ZC3HAV1: variants seen among roughly 807,000 people sequenced by gnomAD.
The protein encoded by ZC3HAV1 is zinc finger CCCH-type containing, antiviral 1.
ZC3HAV1 carries 41 observed loss-of-function variants against 86.6 expected under a neutral mutation model. The observed-to-expected ratio is 0.47, with a 90% CI of 0.37 to 0.61. The LOEUF is 0.61. Among genes scored for constraint, ZC3HAV1 ranks in the 20% least tolerant of loss-of-function variants. The pLI is 0.00. For missense variants in ZC3HAV1, 964 were observed against 1,141.1 expected (o/e 0.84, Z 2.24); for synonymous variants, 421 against 432.1 (o/e 0.97, Z 0.32).
chr7:139,085,783 C>T (rs867428972), intron 2 of ZC3HAV1, among the ~76,000 whole-genome samples: 3 of 152,024 alleles, frequency 2.0e-5, no homozygotes, highest in East Asian at 1.9e-4. Context: ...GAGGCTGAGG[C>T]GGGAGGATCA....
At chr7:139,097,414 ATATATATATATATATTTTT>A (rs1817625275) in intron 1 of ZC3HAV1, among the ~76,000 whole-genome samples, 3 of 75,664 alleles carry the variant, frequency 4.0e-5, no homozygotes, top group Non-Finnish European at 6.9e-5. Context: ...ATATATATAT[ATATATATATATATATTTTT>A]TTTTTTTTTT....
intron 1 of ZC3HAV1, among the ~76,000 whole-genome samples, chr7:139,097,428 A>ATTT (rs11291842): frequency 4.2e-4 from 20 of 48,156 alleles, no homozygotes; most frequent in African/African-American, 1.6e-3. Context: ...ATATATATAT[A>ATTT]TTTTTTTTTT....
At position 139,047,333 on chromosome 7, in the gene ZC3HAV1, A is replaced by G. The variant is rs1454573039; in HGVS notation, c.*261T>C. 5.8e-5 allele frequency: 5 copies of G among 86,340 alleles called. 1 individual carries two copies. The highest frequency in any genetic ancestry group is 3.8e-4 in the African/African-American group (2 of 5,204). The allele number at this position is 86,340 out of a possible 1,614,324, so 5.3% of individuals were successfully genotyped here. ...GATGGAGTGAGATTCAGTCTCAAAA[A>G]AAAAAAAAAAAAAAAAAATACAACT... On this transcript the variant is annotated 3_prime_UTR_variant, in exon 13 of 13. Coordinates refer to ENST00000242351, the MANE Select transcript of ZC3HAV1 (RefSeq NM_020119.4).
intron 3 of ZC3HAV1, among the ~76,000 whole-genome samples, chr7:139,082,093 C>T (rs1233895655): frequency 2.0e-5 from 3 of 152,014 alleles, no homozygotes; most frequent in Non-Finnish European, 4.4e-5. Flanking sequence ...GATGAAAACC[C>T]GTCTCTACTA....
intron 7 of ZC3HAV1, among the ~76,000 whole-genome samples, chr7:139,072,091 A>G (rs1431090176): frequency 6.6e-6 from 1 of 152,232 alleles, no homozygotes; most frequent in African/African-American, 2.4e-5. Context: ...GTGCAAAAGT[A>G]ATCAGTTTTT....
chr7:139,087,532 C>G (rs111858585), intron 2 of ZC3HAV1, among the ~76,000 whole-genome samples: 1 of 151,882 alleles, frequency 6.6e-6, no homozygotes, highest in Non-Finnish European at 1.5e-5. Context: ...GGCTGGAGAG[C>G]AAATGGGACA....
At chr7:139,061,218 T>C in intron 8 of ZC3HAV1, 80 bp from the exon 9 acceptor site, 1 of 1,359,812 alleles carries the variant, frequency 7.4e-7, no homozygotes. Context: ...TTGCAGAGGC[T>C]ATTTACACGG....
intron 1 of ZC3HAV1, 50 bp from the exon 2 acceptor site, chr7:139,089,809 G>A: frequency 6.5e-7 from 1 of 1,536,796 alleles, no homozygotes. Flanking sequence ...CAGATGCAAA[G>A]AAACAGAAAT....
At chr7:139,054,876 C>T (rs1816238044) in intron 10 of ZC3HAV1, among the ~76,000 whole-genome samples, 1 of 152,152 alleles carries the variant, frequency 6.6e-6, no homozygotes, top group Admixed American at 6.5e-5. Context: ...CAACCTCCGC[C>T]TCCCGGGTAC....
chr7:139,057,531 C>CT lies in ZC3HAV1; in HGVS notation c.2097-2237_2097-2236insA, dbSNP rs1294729334. Among the ~76,000 whole-genome samples the CT allele has an allele frequency of 6.1e-4, 48 of 78,568 alleles. 3 individuals are homozygous for CT. The highest frequency in any genetic ancestry group is 1.1e-3 in the Non-Finnish European group (44 of 40,404). The allele number at this position is 78,568 out of a possible 152,430, so 51.5% of individuals were successfully genotyped here. ...AAATTTTCCATGATCAAAACAATTA[C>CT]ATTTTTTTTTTTTTTTTTTTTTTTT... On this transcript the variant is annotated intron_variant, in intron 9 of 12. Transcript: ENST00000242351.
chr7:139,078,502 T>C (rs2130703670), intron 5 of ZC3HAV1, 50 bp downstream of exon 5: 1 of 1,436,320 alleles, frequency 7.0e-7, no homozygotes, highest in East Asian at 2.4e-5. Flanking sequence ...CAGTGTTATT[T>C]ACAATGGCCA....
chr7:139,076,507 G>T (rs966831929), intron 5 of ZC3HAV1, 98 bp from the exon 6 acceptor site: 3 of 1,506,294 alleles, frequency 2.0e-6, no homozygotes, highest in African/African-American at 2.7e-5. Flanking sequence ...TGCCTGCCCT[G>T]CCCCCTGCCA....
intron 7 of ZC3HAV1, among the ~76,000 whole-genome samples, chr7:139,068,763 T>C (rs1017188976): frequency 1.3e-5 from 2 of 152,158 alleles, no homozygotes; most frequent in Admixed American, 1.3e-4. Flanking sequence ...CGGTAGGTGG[T>C]GAAGTCCTCA....
chr7:139,079,747 G>A lies in ZC3HAV1; in HGVS notation c.1194C>T (p.Thr398=), dbSNP rs367661801. The A allele has an allele frequency of 1.9e-6, 3 of 1,614,170 alleles. No individual in the cohort carries two copies. The highest frequency in any genetic ancestry group is 1.7e-6 in the Non-Finnish European group (2 of 1,180,034). ...LGSLQTPEAV[T]TRKGTGLLSS... is the part of the protein sequence containing the mutation. ...AAAGCAAGCCTGTGCCCTTTCTGGT[G>A]GTCACAGCTTCAGGTGTTTGCAGAG... is the stretch of plus-strand genomic sequence containing the variant. Residue 398 remains threonine, a synonymous_variant, in exon 4 of 13, where the codon ACC becomes ACT. Transcript: ENST00000242351.
intron 1 of ZC3HAV1, among the ~76,000 whole-genome samples, chr7:139,101,511 G>A (rs1817770029): frequency 1.5e-4 from 15 of 99,350 alleles, no homozygotes; most frequent in East Asian, 5.3e-4. Context: ...TCTGGGAGGT[G>A]TACCCAACAG....
chr7:139,101,088 G>T (rs1169329433), intron 1 of ZC3HAV1, among the ~76,000 whole-genome samples: 1 of 152,206 alleles, frequency 6.6e-6, no homozygotes, highest in Non-Finnish European at 1.5e-5. Flanking sequence ...CGAGTGATCC[G>T]CCAGCCTCGG....
intron 1 of ZC3HAV1, among the ~76,000 whole-genome samples, chr7:139,095,879 G>A (rs768632266): frequency 3.3e-5 from 5 of 152,158 alleles, no homozygotes; most frequent in African/African-American, 1.2e-4. Flanking sequence ...ACGGGCATCA[G>A]TATTTTTTAA....
At chr7:139,090,463 T>C (rs1462966179) in intron 1 of ZC3HAV1, among the ~76,000 whole-genome samples, 1 of 152,202 alleles carries the variant, frequency 6.6e-6, no homozygotes, top group Non-Finnish European at 1.5e-5. Flanking sequence ...ATTGGGAATT[T>C]AATTTCTATT....
At chr7:139,059,341 G>A (rs531444485) in intron 9 of ZC3HAV1, among the ~76,000 whole-genome samples, 6 of 152,344 alleles carry the variant, frequency 3.9e-5, no homozygotes, top group Admixed American at 3.9e-4. Context: ...AAGGGGCCAA[G>A]TGCAGTGGCT....
Sources: allele counts gnomAD v4.1 joint callset (sites outside exome capture counted in the v4.1 genomes callset), GRCh38; gene constraint gnomAD v4.1.1; transcripts MANE v1.5; gene names NCBI Gene and HGNC (gene_info 2026-07-23, HGNC 2026-07-21).